NYAP2: variants seen among roughly 807,000 people sequenced by gnomAD.
The protein encoded by NYAP2 is neuronal tyrosine-phosphorylated phosphoinositide-3-kinase adapter 2.
Under a neutral mutation model 50.4 loss-of-function variants are expected in NYAP2, and 23 were observed. The observed-to-expected ratio is 0.46, with a 90% CI of 0.33 to 0.65. NYAP2 has a LOEUF of 0.65. Ranked by LOEUF, NYAP2 falls within the 30% of genes least tolerant of loss-of-function variation. The pLI is 0.02. For synonymous variants in NYAP2, 394 were observed against 365.2 expected, an observed-to-expected ratio of 1.08 and a Z score of -0.90; for missense variants, 885 against 861.0, an observed-to-expected ratio of 1.03 and a Z score of -0.35.
intron 5 of NYAP2, among the ~76,000 whole-genome samples, chr2:225,585,237 A>G (rs939206942): frequency 6.6e-6 from 1 of 152,274 alleles, no homozygotes; most frequent in African/African-American, 2.4e-5. Flanking sequence ...TTAAAAATAC[A>G]TAATGGGTAT....
chr2:225,457,607 T>G (rs1481616864), intron 3 of NYAP2, among the ~76,000 whole-genome samples: 3 of 152,206 alleles, frequency 2.0e-5, no homozygotes, highest in African/African-American at 7.2e-5. Context: ...GGGAACACGA[T>G]GGACTCTTGT....
At chr2:225,458,994 C>T (rs1339851487) in intron 3 of NYAP2, among the ~76,000 whole-genome samples, 4 of 152,154 alleles carry the variant, frequency 2.6e-5, no homozygotes, top group Non-Finnish European at 1.5e-5. Flanking sequence ...TATTTAGTCT[C>T]TTTCTAGTTT....
chr2:225,538,662 T>TTTTCCCCA (rs1158071505), intron 4 of NYAP2, among the ~76,000 whole-genome samples: 2 of 152,204 alleles, frequency 1.3e-5, no homozygotes, highest in Non-Finnish European at 2.9e-5. Flanking sequence ...TCTGGAGACA[T>TTTTCCCCA]TTTCCCCATT....
chr2:225,465,273 G>A (rs952946956), intron 3 of NYAP2, among the ~76,000 whole-genome samples: 2 of 151,998 alleles, frequency 1.3e-5, no homozygotes, highest in African/African-American at 4.8e-5. Flanking sequence ...CTCTACTTGT[G>A]CATGAACCTG....
At chr2:225,411,234 A>C (rs1695033558) in intron 3 of NYAP2, among the ~76,000 whole-genome samples, 1 of 152,182 alleles carries the variant, frequency 6.6e-6, no homozygotes, top group Non-Finnish European at 1.5e-5. Context: ...ACACCATTTG[A>C]ATTTTCTGAT....
intron 3 of NYAP2, among the ~76,000 whole-genome samples, chr2:225,418,826 A>G (rs1225564273): frequency 6.6e-6 from 1 of 151,986 alleles, no homozygotes; most frequent in Non-Finnish European, 1.5e-5. Context: ...CTTTTATAAA[A>G]CTCTAAAAAT....
At chr2:225,574,087 T>C (rs756212153) in intron 4 of NYAP2, among the ~76,000 whole-genome samples, 3 of 152,200 alleles carry the variant, frequency 2.0e-5, no homozygotes, top group Non-Finnish European at 4.4e-5. Flanking sequence ...CAATATCAGA[T>C]TGAAATCAAG....
intron 3 of NYAP2, among the ~76,000 whole-genome samples, chr2:225,437,514 T>C (rs1422895330): frequency 6.6e-6 from 1 of 152,192 alleles, no homozygotes; most frequent in Non-Finnish European, 1.5e-5. Flanking sequence ...TGCTTGTAGA[T>C]CACAATTGTT....
At chr2:225,679,250 T>C in the NYAP2 span, among the ~76,000 whole-genome samples, 285 of 152,176 alleles carry the variant, frequency 1.9e-3, no homozygotes, top group African/African-American at 6.6e-3. Flanking sequence ...CACTGTATAA[T>C]TTGAAGTCAT....
At chr2:225,483,435 A>G (rs771543970) in intron 3 of NYAP2, among the ~76,000 whole-genome samples, 9 of 152,192 alleles carry the variant, frequency 5.9e-5, no homozygotes, top group Non-Finnish European at 7.4e-5. Context: ...AGAGACTTTG[A>G]AAAGAAATAG....
At chr2:225,577,031 T>A (rs201262153) in intron 4 of NYAP2, among the ~76,000 whole-genome samples, 4,335 of 135,968 alleles carry the variant, frequency 0.032, 209 homozygotes, top group African/African-American at 0.11. Flanking sequence ...TTTTTTTTTT[T>A]AAATAAGGAA....
chr2:225,684,182 T>G, the NYAP2 span, among the ~76,000 whole-genome samples: 1 of 152,152 alleles, frequency 6.6e-6, no homozygotes, highest in Non-Finnish European at 1.5e-5. Context: ...GAGGAGAGAA[T>G]GGAAATCAGT....
intron 3 of NYAP2, among the ~76,000 whole-genome samples, chr2:225,490,308 G>A (rs949666868): frequency 1.8e-4 from 28 of 152,208 alleles, no homozygotes; most frequent in Middle Eastern, 3.4e-3. Context: ...GTATTCCTTT[G>A]ATTACTTACA....
the NYAP2 span, among the ~76,000 whole-genome samples, chr2:225,660,495 C>A: frequency 7.0e-6 from 1 of 143,626 alleles, no homozygotes; most frequent in African/African-American, 2.6e-5. Flanking sequence ...TTCCACATAC[C>A]AGTTTTAAAT....
exon 7 of NYAP2, chr2:225,651,792 C>T: frequency 1.2e-5 from 6 of 518,406 alleles, no homozygotes; most frequent in South Asian, 5.1e-5. Context: ...TCTCTGGTTT[C>T]CATCATTCTG....
intron 4 of NYAP2, among the ~76,000 whole-genome samples, chr2:225,561,201 A>G (rs573963853): frequency 6.6e-6 from 1 of 152,214 alleles, no homozygotes; most frequent in East Asian, 1.9e-4. Context: ...ACCATTTTGA[A>G]TAAGGTGGTC....
intron 3 of NYAP2, among the ~76,000 whole-genome samples, chr2:225,510,984 G>T (rs1291359046): frequency 6.6e-6 from 1 of 152,092 alleles, no homozygotes; most frequent in East Asian, 1.9e-4. Flanking sequence ...ACTCATAAAT[G>T]CCCATGTGCA....
intron 4 of NYAP2, among the ~76,000 whole-genome samples, chr2:225,571,696 G>A (rs1418056041): frequency 6.6e-6 from 1 of 152,222 alleles, no homozygotes; most frequent in Non-Finnish European, 1.5e-5. Flanking sequence ...CTCTGGGCCT[G>A]TGATGGGAGG....
At chr2:225,638,451 G>A (rs77015031) in intron 6 of NYAP2, among the ~76,000 whole-genome samples, 2,672 of 152,118 alleles carry the variant, frequency 0.018, 76 homozygotes, top group African/African-American at 0.061. Context: ...GGCTGCTGAT[G>A]GTGGGTTAAA....
Sources: allele counts gnomAD v4.1 joint callset (sites outside exome capture counted in the v4.1 genomes callset), GRCh38; gene constraint gnomAD v4.1.1; transcripts MANE v1.5; gene names NCBI Gene and HGNC (gene_info 2026-07-23, HGNC 2026-07-21).